The following JARID2 variants were observed in gnomAD, a reference collection of about 807,000 sequenced individuals.
The protein encoded by JARID2 is protein Jumonji.
In JARID2, 21 loss-of-function variants were observed where a neutral mutation model predicts 125.6. The ratio of observed to expected loss-of-function variants is 0.17; its 90% CI spans 0.12 to 0.24. The LOEUF is 0.24. Ranked by LOEUF, JARID2 falls within the 10% of genes least tolerant of loss-of-function variation. JARID2 has a pLI of 1.00. For synonymous variants in JARID2, 736 were observed against 661.6 expected, an observed-to-expected ratio of 1.11 and a Z score of -1.73; for missense variants, 1,303 against 1,639.6, an observed-to-expected ratio of 0.79 and a Z score of 3.55.
Position 15,496,186 on chromosome 6 carries a change from A to G in JARID2, c.961A>G (p.Ser321Gly), listed in dbSNP as rs776720223. The stretch of plus-strand genomic sequence containing the variant: ...GTCATCTCTGGGTGCAGGTGTAACC[A>G]GTGCCAAAAAGATGCGCGAGGTCAG... The part of the protein sequence containing the change: ...RMSSLGAGVT[S>G]AKKMREVRPS... The change falls in exon 7 of 18, where the codon AGT becomes GGT. Residue 321 changes from serine to glycine, a missense_variant. Ser to Gly is a moderately conservative substitution (Grantham distance 56). This residue lies in a region of JARID2 where 651 missense variants were observed against 581.6 expected (regional missense o/e 1.12). Transcript: ENST00000341776. The G allele has an allele frequency of 1.2e-5, 19 of 1,614,132 alleles. No individual in the cohort carries two copies. The highest frequency in any genetic ancestry group is 1.6e-5 in the Non-Finnish European group (19 of 1,180,030).
chr6:15,508,166 C>G (rs1771101240), intron 11 of JARID2, among the ~76,000 whole-genome samples, 174 bp from the exon 12 acceptor site: 1 of 152,244 alleles, frequency 6.6e-6, no homozygotes, highest in South Asian at 2.1e-4. Context: ...TCTCCCACTT[C>G]TGTAGAGCAA....
chr6:15,317,126 A>G (rs941283331), intron 1 of JARID2, among the ~76,000 whole-genome samples: 3 of 152,138 alleles, frequency 2.0e-5, no homozygotes, highest in African/African-American at 7.2e-5. Flanking sequence ...CATGTACTTA[A>G]TTTGATTTTA....
rs745347518 is a variant in JARID2 at position 15,463,425 on chromosome 6, CTTT to C, written c.494-5099_494-5097del. On this transcript the variant is annotated intron_variant, in intron 4 of 17. Transcript: ENST00000341776. ...TCATGTGGGGTTGTGGAGCCCTTTCCTTTTTTTTTTTTTTTTTTTTCCGAGGTG... is the reference window on the plus strand; with the variant it reads ...TCATGTGGGGTTGTGGAGCCCTTTCCTTTTTTTTTTTTTTTTTCCGAGGTG... Among the ~76,000 whole-genome samples the C allele has an allele frequency of 2.3e-3, 207 of 88,462 alleles. 4 individuals are homozygous for C. In the South Asian group the frequency reaches 0.034, roughly 15 times the overall value. 58.0% of individuals were successfully genotyped at this position (88,462 alleles called of 152,430 possible).
intron 5 of JARID2, among the ~76,000 whole-genome samples, chr6:15,482,680 A>G (rs902948501): frequency 2.0e-5 from 3 of 152,232 alleles, no homozygotes; most frequent in African/African-American, 4.8e-5. Flanking sequence ...ATAAATATGT[A>G]TGTACATGGG....
chr6:15,433,190 G>A (rs938401739), intron 3 of JARID2, among the ~76,000 whole-genome samples: 2 of 152,170 alleles, frequency 1.3e-5, no homozygotes, highest in Admixed American at 1.3e-4. Context: ...AGTGAACAGT[G>A]ATTATGTCTG....
chr6:15,415,725 G>C lies in JARID2; in HGVS notation c.323+5360G>C, dbSNP rs1357819372. Among the ~76,000 whole-genome samples the C allele has an allele frequency of 2.1e-5, 3 of 146,030 alleles. No individual in the cohort carries two copies. In the South Asian group the frequency reaches 6.4e-4, roughly 31 times the overall value. ...CCCCCACCTCCTTCCCGGACGGGGCGGCTGGCCAGGCGGAGGGGCTCCTCG... is the reference window on the plus strand; with the variant it reads ...CCCCCACCTCCTTCCCGGACGGGGCCGCTGGCCAGGCGGAGGGGCTCCTCG... On this transcript the variant is annotated intron_variant, in intron 3 of 17. Coordinates refer to ENST00000341776, the MANE Select transcript of JARID2 (RefSeq NM_004973.4).
chr6:15,371,659 G>A (rs1486564304), intron 1 of JARID2, among the ~76,000 whole-genome samples: 1 of 152,202 alleles, frequency 6.6e-6, no homozygotes, highest in Non-Finnish European at 1.5e-5. Flanking sequence ...TTTTACTCAG[G>A]TTGGTATTTG....
At chr6:15,389,618 C>G (rs1309181061) in intron 2 of JARID2, among the ~76,000 whole-genome samples, 1 of 151,976 alleles carries the variant, frequency 6.6e-6, no homozygotes, top group Non-Finnish European at 1.5e-5. Flanking sequence ...GAAAGTGTTA[C>G]AGAGTTTTAA....
At chr6:15,401,116 C>A in intron 2 of JARID2, 1 of 1,284,482 alleles carries the variant, frequency 7.8e-7, no homozygotes. Context: ...GGTTTCCCTG[C>A]TGGGGTCCTG....
chr6:15,424,648 G>A (rs1766644845), intron 3 of JARID2, among the ~76,000 whole-genome samples: 1 of 152,002 alleles, frequency 6.6e-6, no homozygotes, highest in Admixed American at 6.6e-5. Context: ...ACCTGAGGTC[G>A]GGAGTTCGAG....
At chr6:15,431,710 G>GT (rs1766975076) in intron 3 of JARID2, among the ~76,000 whole-genome samples, 1 of 152,320 alleles carries the variant, frequency 6.6e-6, no homozygotes, top group Non-Finnish European at 1.5e-5. Flanking sequence ...TTTAAGCACT[G>GT]TAAGAAATTT....
At chr6:15,300,794 A>T (rs1486477487) in intron 1 of JARID2, among the ~76,000 whole-genome samples, 2 of 150,806 alleles carry the variant, frequency 1.3e-5, no homozygotes, top group Non-Finnish European at 2.9e-5. Context: ...TCCCCCCTTT[A>T]TGTATGATTC....
chr6:15,304,210 C>T (rs925668201), intron 1 of JARID2, among the ~76,000 whole-genome samples: 3 of 151,512 alleles, frequency 2.0e-5, no homozygotes, highest in Admixed American at 2.0e-4. Flanking sequence ...ATCAGCTGCC[C>T]ATCTCGCTGC....
At chr6:15,455,571 G>A (rs954241345) in intron 4 of JARID2, among the ~76,000 whole-genome samples, 2 of 152,018 alleles carry the variant, frequency 1.3e-5, no homozygotes, top group African/African-American at 2.4e-5. Context: ...TCACTCTGTC[G>A]CCCAGGCTGG....
chr6:15,349,979 C>G (rs572763752), intron 1 of JARID2, among the ~76,000 whole-genome samples: 1 of 151,914 alleles, frequency 6.6e-6, no homozygotes, highest in Non-Finnish European at 1.5e-5. Flanking sequence ...CTTGTGGTCC[C>G]GTATTATTGG....
chr6:15,364,555 C>A (rs1158605138), intron 1 of JARID2, among the ~76,000 whole-genome samples: 1 of 152,202 alleles, frequency 6.6e-6, no homozygotes, highest in African/African-American at 2.4e-5. Flanking sequence ...GAACCACTTC[C>A]AACCTGGAGA....
At chr6:15,479,223 A>T (rs187134441) in intron 5 of JARID2, among the ~76,000 whole-genome samples, 9 of 152,282 alleles carry the variant, frequency 5.9e-5, no homozygotes, top group Admixed American at 4.6e-4. Context: ...GCTAGTAATC[A>T]TCAGGTCTGC....
At chr6:15,494,571 G>C (rs1770317453) in intron 6 of JARID2, among the ~76,000 whole-genome samples, 1 of 152,014 alleles carries the variant, frequency 6.6e-6, no homozygotes, top group Non-Finnish European at 1.5e-5. Flanking sequence ...GCCACACCCA[G>C]CTAATTTTTT....
chr6:15,329,342 T>G (rs577714192), intron 1 of JARID2, among the ~76,000 whole-genome samples: 28 of 152,176 alleles, frequency 1.8e-4, no homozygotes, highest in African/African-American at 6.3e-4. Flanking sequence ...CCTGGGGAAG[T>G]CAGCTGCTGC....
Sources: allele counts gnomAD v4.1 joint callset (sites outside exome capture counted in the v4.1 genomes callset), GRCh38; gene constraint gnomAD v4.1.1; regional missense constraint gnomAD v4.1.1; transcripts MANE v1.5; gene names NCBI Gene and HGNC (gene_info 2026-07-23, HGNC 2026-07-21).